DET1: variants seen among roughly 807,000 people sequenced by gnomAD.
DET1 encodes the protein DET1 partner of COP1 E3 ubiquitin ligase.
A neutral mutation model predicts 43.7 loss-of-function variants in DET1; 22 were observed. That is an observed-to-expected ratio of 0.50 (90% confidence interval 0.36 to 0.72). The LOEUF (loss-of-function observed/expected upper bound fraction) is 0.72. Ranked by LOEUF, DET1 falls within the 30% of genes least tolerant of loss-of-function variation. The pLI is 0.00. For missense variants in DET1, 713 were observed against 713.3 expected, an observed-to-expected ratio of 1.00 and a Z score of 0.00; for synonymous variants, 315 against 266.2, an observed-to-expected ratio of 1.18 and a Z score of -1.79.
intron 3 of DET1, among the ~76,000 whole-genome samples, chr15:88,518,852 TG>T (rs2142269948): frequency 6.6e-6 from 1 of 152,306 alleles, no homozygotes; most frequent in African/African-American, 2.4e-5. Flanking sequence ...TAGATGGACA[TG>T]AACACTTTTC....
At chr15:88,509,622 G>A (rs1567055151), downstream of DET1, among the ~76,000 whole-genome samples, 1 of 152,348 alleles carries the variant, frequency 6.6e-6, no homozygotes, top group Non-Finnish European at 1.5e-5. Context: ...GCTGAATAAC[G>A]AAAGACGAGA....
chr15:88,522,969 C>T (rs1188001462), intron 3 of DET1, among the ~76,000 whole-genome samples: 1 of 151,430 alleles, frequency 6.6e-6, no homozygotes, highest in Non-Finnish European at 1.5e-5. Context: ...GCAACCTCCG[C>T]CTTCCAGGCT....
chr15:88,535,885 G>A (rs958489072), intron 1 of DET1, among the ~76,000 whole-genome samples: 1 of 152,126 alleles, frequency 6.6e-6, no homozygotes, highest in African/African-American at 2.4e-5. Context: ...TCCCAAATTT[G>A]GCTAAAGATA....
chr15:88,540,537 A>C (rs2057080039), intron 1 of DET1, among the ~76,000 whole-genome samples: 1 of 151,592 alleles, frequency 6.6e-6, no homozygotes, highest in African/African-American at 2.4e-5. Context: ...GTATGCTGGA[A>C]AATTTTTCTC....
At chr15:88,538,125 T>G (rs555954301) in intron 1 of DET1, among the ~76,000 whole-genome samples, 3 of 152,310 alleles carry the variant, frequency 2.0e-5, no homozygotes, top group African/African-American at 7.2e-5. Context: ...CTGACTGAAT[T>G]GGGACACTTG....
At position 88,531,186 on chromosome 15, in the gene DET1, A is replaced by G; in HGVS notation, c.520T>C (p.Tyr174His). Reference protein sequence around the residue: ...DEPHPPFFEVYRNSESVTPNP... With the variant: ...DEPHPPFFEVHRNSESVTPNP... Reference sequence around the variant, plus strand: ...GGGGTCACTGATTCACTGTTCCGATATACCTCAAAAAATGGAGGGTGAGGC... The same window carrying G: ...GGGGTCACTGATTCACTGTTCCGATGTACCTCAAAAAATGGAGGGTGAGGC... The change falls in exon 2 of 5, where the codon TAT (tyrosine) becomes CAT (histidine). Residue 174 changes from tyrosine (Y) to histidine (H), a missense_variant. Transcript: ENST00000268148. The surrounding 1 kb of genome is among the most constrained non-coding windows in gnomAD (Gnocchi z 6.2). The G allele has an allele frequency of 6.2e-7, 1 of 1,613,898 alleles. No homozygotes were observed. The highest frequency in any genetic ancestry group is 8.5e-7 in the Non-Finnish European group (1 of 1,179,842).
chr15:88,503,199 G>T (rs548103300), intron 8 of DET1: 1 of 152,010 alleles, frequency 6.6e-6, no homozygotes, highest in Admixed American at 6.6e-5. Context: ...GGGAGGCGGC[G>T]GTTGCAAGAG....
At position 88,531,209 on chromosome 15, in the gene DET1, G is replaced by C; in HGVS notation, c.497C>G (p.Pro166Arg). The part of the protein sequence containing the change: ...VGSAAYLPDE[P>R]HPPFFEVYRN... Reference sequence around the variant, plus strand: ...ATATACCTCAAAAAATGGAGGGTGAGGCTCATCTGGGAGGTAGGCAGCTGA... The same window carrying C: ...ATATACCTCAAAAAATGGAGGGTGACGCTCATCTGGGAGGTAGGCAGCTGA... Residue 166 changes from proline to arginine, a missense_variant, in exon 2 of 5, where the codon CCT becomes CGT. Transcript: ENST00000268148. This position sits in a 1 kb window ranked among gnomAD's most constrained non-coding sequence, Gnocchi z 6.2. The C allele has an allele frequency of 6.2e-7, 1 of 1,613,876 alleles. No homozygotes were observed.
Position 88,527,680 on chromosome 15 carries a change from A to G in DET1, c.1190T>C (p.Phe397Ser), listed in dbSNP as rs1185814035. 2 of 1,613,890 alleles carry G rather than the reference A, an allele frequency of 1.2e-6. No individual in the cohort carries two copies. Among genetic ancestry groups the G allele is most frequent in the Non-Finnish European group, 8.5e-7 (1 of 1,179,840 alleles). Residue 397 changes from phenylalanine (F) to serine (S), a missense_variant, in exon 3 of 5, where the codon TTT (phenylalanine) becomes TCT (serine). By Grantham distance (155) the Phe-to-Ser change is radical (BLOSUM62 -2). Transcript: ENST00000268148. ...LELFENFCDLFRNATLHSEVQ... is the reference protein window; with the variant it reads ...LELFENFCDLSRNATLHSEVQ... Reference sequence around the variant, plus strand: ...TTCACTGTGCAGGGTAGCATTACGAAAAAGGTCACAGAAGTTCTCAAAGAG... The same window carrying G: ...TTCACTGTGCAGGGTAGCATTACGAGAAAGGTCACAGAAGTTCTCAAAGAG...
downstream of DET1, among the ~76,000 whole-genome samples, chr15:88,508,226 G>A (rs117566247): frequency 1.9e-3 from 286 of 152,268 alleles, 2 homozygotes; most frequent in East Asian, 0.029. Context: ...TAGAAATATG[G>A]TGCAGAATAA....
intron 1 of DET1, among the ~76,000 whole-genome samples, chr15:88,534,613 C>T (rs1440126): frequency 0.022 from 3,345 of 152,264 alleles, 96 homozygotes; most frequent in African/African-American, 0.076. Context: ...AAGCTGCACA[C>T]GTGTGGATCT....
intron 4 of DET1, among the ~76,000 whole-genome samples, chr15:88,515,894 T>G (rs2056332423): frequency 6.6e-6 from 1 of 152,114 alleles, no homozygotes; most frequent in Non-Finnish European, 1.5e-5. Context: ...TTTATTATGC[T>G]CTTCTACTTT....
chr15:88,503,109 TA>T (rs1790898548), intron 8 of DET1: 1 of 151,896 alleles, frequency 6.6e-6, no homozygotes, highest in African/African-American at 2.4e-5. Context: ...ACTAAAAATA[TA>T]AAAATTAGCT....
chr15:88,529,998 T>C (rs2056768993), intron 2 of DET1, among the ~76,000 whole-genome samples: 2 of 152,318 alleles, frequency 1.3e-5, no homozygotes, highest in South Asian at 4.1e-4. Context: ...TCCTGATGAC[T>C]CTCCTCACGG....
intron 1 of DET1, among the ~76,000 whole-genome samples, chr15:88,538,547 A>G (rs896186643): frequency 1.3e-5 from 2 of 152,066 alleles, no homozygotes; most frequent in Non-Finnish European, 2.9e-5. Flanking sequence ...GGCTGAGAGA[A>G]TTTTGAGCAT....
At chr15:88,523,463 C>T (rs939945620) in intron 3 of DET1, among the ~76,000 whole-genome samples, 1 of 152,166 alleles carries the variant, frequency 6.6e-6, no homozygotes, top group Non-Finnish European at 1.5e-5. Flanking sequence ...CTCTTCTCCC[C>T]TTTACACAGT....
At chr15:88,509,339 G>A (rs954989798), downstream of DET1, among the ~76,000 whole-genome samples, 7 of 152,206 alleles carry the variant, frequency 4.6e-5, no homozygotes, top group South Asian at 2.1e-4. Flanking sequence ...GTTTTGAAGT[G>A]AGAGGCAAAG....
Position 88,531,218 on chromosome 15 carries a change from G to A in DET1, c.488C>T (p.Pro163Leu), listed in dbSNP as rs1030717136. Residue 163 changes from proline (P) to leucine (L), a missense_variant, in exon 2 of 5, where the codon CCA (proline) becomes CTA (leucine). By Grantham distance (98) the Pro-to-Leu change is moderately conservative. Coordinates refer to ENST00000268148, the MANE Select transcript of DET1 (RefSeq NM_001144074.3). This position sits in a 1 kb window ranked among gnomAD's most constrained non-coding sequence, Gnocchi z 6.2. ...AAAAAATGGAGGGTGAGGCTCATCT[G>A]GGAGGTAGGCAGCTGAGCCCACGAT... The part of the protein sequence containing the change: ...CVIVGSAAYL[P>L]DEPHPPFFEV... The A allele has an allele frequency of 1.2e-6, 2 of 1,613,940 alleles. No individual in the cohort carries two copies. The highest frequency in any genetic ancestry group is 1.7e-6 in the Non-Finnish European group (2 of 1,179,870).
chr15:88,515,939 AT>A (rs1453255790), intron 4 of DET1, among the ~76,000 whole-genome samples: 2 of 152,236 alleles, frequency 1.3e-5, no homozygotes, highest in African/African-American at 2.4e-5. Context: ...AATAAAAAAA[AT>A]ATTAACTAGT....
Sources: gnomAD v4.1 joint callset for allele counts (sites outside exome capture counted in the v4.1 genomes callset) on GRCh38, gnomAD v4.1.1 for gene constraint, Gnocchi (gnomAD v3.1) non-coding constraint, MANE v1.5 for transcripts, NCBI Gene and HGNC (gene_info 2026-07-23, HGNC 2026-07-21) for gene names.